Variants in MUC5B observed in about 807,000 individuals in gnomAD.
MUC5B encodes mucin-5B.
In MUC5B, 116 loss-of-function variants were observed where a neutral mutation model predicts 376.9. That is an observed-to-expected ratio of 0.31 (90% CI 0.26 to 0.36). The LOEUF (loss-of-function observed/expected upper bound fraction) is 0.36. Ranked by LOEUF, MUC5B falls within the 10% of genes least tolerant of loss-of-function variation. MUC5B has a pLI of 1.00. For missense variants in MUC5B, 7,165 were observed against 7,769.9 expected (o/e 0.92, Z 2.93); for synonymous variants, 3,517 against 3,390.9 (o/e 1.04, Z -1.29).
In MUC5B at chr11:1,241,930, A is replaced by C; in HGVS notation, c.5050A>C (p.Thr1684Pro). ...PTTPAGSTEP[T>P]VPGVATSTLP... ...GACGCCTGCAGGCTCCACAGAACCCACTGTCCCAGGGGTGGCCACATCCAC... is the reference window on the plus strand; with the variant it reads ...GACGCCTGCAGGCTCCACAGAACCCCCTGTCCCAGGGGTGGCCACATCCAC... The change falls in exon 31 of 49, where the codon ACT (threonine) becomes CCT (proline). Residue 1684 changes from threonine (T) to proline (P), a missense_variant. Thr to Pro is a conservative substitution (Grantham distance 38). Coordinates refer to ENST00000529681, the MANE Select transcript of MUC5B (RefSeq NM_002458.3). The C allele has an allele frequency of 6.2e-7, 1 of 1,608,618 alleles. No homozygotes were observed. Among genetic ancestry groups the C allele is most frequent in the Non-Finnish European group, 8.5e-7 (1 of 1,177,794 alleles).
Position 1,241,014 on chromosome 11 carries a change from C to G in MUC5B, c.4134C>G (p.Ile1378Met), listed in dbSNP as rs749634798. 1.9e-6 allele frequency: 3 copies of G among 1,612,886 alleles called. No homozygotes were observed. In the Admixed American group the frequency reaches 5.0e-5, roughly 27 times the overall value. ...GYQVCPVLADIECRAAQLPDM... is the reference protein window; with the variant it reads ...GYQVCPVLADMECRAAQLPDM... ...AGGTATGCCCTGTGCTGGCTGACAT[C>G]GAGTGCCGGGCGGCGCAGCTTCCCG... Residue 1378 changes from isoleucine (I) to methionine (M), a missense_variant, in exon 31 of 49, where the codon ATC becomes ATG. Ile to Met is a conservative substitution (Grantham distance 10). Coordinates refer to ENST00000529681, the MANE Select transcript of MUC5B (RefSeq NM_002458.3).
At position 1,246,918 on chromosome 11, in the gene MUC5B, G is replaced by A. The variant is rs533830484; in HGVS notation, c.10038G>A (p.Thr3346=). ...TTTTPTTRGS[T]VTPSSIPGTT... ...CCACACCCACAACCAGAGGCTCCAC[G>A]GTGACCCCCTCCTCCATCCCGGGGA... The change falls in exon 31 of 49, where the codon ACG becomes ACA. Residue 3346 remains threonine (T), a synonymous_variant. Transcript: ENST00000529681. The A allele has an allele frequency of 5.8e-5, 93 of 1,610,450 alleles. No homozygotes were observed. In the East Asian group the frequency reaches 1.4e-3, roughly 25 times the overall value.
chr11:1,250,784 C>T lies in MUC5B; in HGVS notation c.13904C>T (p.Ser4635Phe). The change falls in exon 31 of 49, where the codon TCC becomes TTC. Residue 4635 changes from serine to phenylalanine, a missense_variant. Coordinates refer to ENST00000529681, the MANE Select transcript of MUC5B (RefSeq NM_002458.3). ...PTTTTPTTSG[S>F]TVTPSSIPGT... ...ACCACCACACCCACAACCAGTGGCT[C>T]CACGGTGACCCCCTCCTCCATCCCG... 2 of 1,613,342 alleles carry T rather than the reference C, an allele frequency of 1.2e-6. No homozygotes were observed. Among genetic ancestry groups the T allele is most frequent in the Non-Finnish European group, 1.7e-6 (2 of 1,179,604 alleles).
At position 1,248,334 on chromosome 11, in the gene MUC5B, C is replaced by T. The variant is rs1167043824; in HGVS notation, c.11454C>T (p.Thr3818=). The T allele has an allele frequency of 3.1e-6, 5 of 1,612,308 alleles. No homozygotes were observed. The highest frequency in any genetic ancestry group is 4.2e-6 in the Non-Finnish European group (5 of 1,179,348). The change falls in exon 31 of 49, where the codon ACC becomes ACT. Residue 3818 remains threonine, a synonymous_variant. Coordinates refer to ENST00000529681, the MANE Select transcript of MUC5B (RefSeq NM_002458.3). ...CACAGACCACCACACCCACGGCCAC[C>T]ATGTCCACAGCCACACCCTCCTCCA... ...RLSQTTTPTA[T]MSTATPSSTP...
At chr11:1,228,041 C>T (rs912160524) in intron 7 of MUC5B, among the ~76,000 whole-genome samples, 3 of 152,214 alleles carry the variant, frequency 2.0e-5, no homozygotes, top group Non-Finnish European at 4.4e-5. Flanking sequence ...TGAGGGTGGG[C>T]ACTCGGGAAG....
chr11:1,246,701 T>G lies in MUC5B; in HGVS notation c.9821T>G (p.Val3274Gly). Reference sequence around the variant, plus strand: ...ACACCCTCCTCTACTCCAGAGACTGTCCACACCTCCACAGTGCTTACCACC... The same window carrying G: ...ACACCCTCCTCTACTCCAGAGACTGGCCACACCTCCACAGTGCTTACCACC... ...TATPSSTPET[V>G]HTSTVLTTTT... Residue 3274 changes from valine (V) to glycine (G), a missense_variant, in exon 31 of 49, where the codon GTC (valine) becomes GGC (glycine). Coordinates refer to ENST00000529681, the MANE Select transcript of MUC5B (RefSeq NM_002458.3). 3 of 1,603,474 alleles carry G rather than the reference T, an allele frequency of 1.9e-6. No individual in the cohort carries two copies. Among genetic ancestry groups the G allele is most frequent in the Non-Finnish European group, 2.6e-6 (3 of 1,175,124 alleles).
chr11:1,258,021 C>T lies in MUC5B; in HGVS notation c.16451-78C>T, dbSNP rs1035903466. 2 of 1,396,546 alleles carry T rather than the reference C, an allele frequency of 1.4e-6. No individual in the cohort carries two copies. The highest frequency in any genetic ancestry group is 1.4e-5 in the African/African-American group (1 of 70,002). 86.5% of individuals were successfully genotyped at this position (1,396,546 alleles called of 1,614,324 possible). On this transcript the variant is annotated intron_variant, in intron 41 of 48. Transcript: ENST00000529681. This position sits in a 1 kb window ranked among gnomAD's most constrained non-coding sequence, Gnocchi z 5.5. The stretch of plus-strand genomic sequence containing the variant: ...GGTCAGGTCCTCGGGGAAAAGCACG[C>T]CTGCGACTTACTCTGGGAACAAGTG...
In MUC5B at chr11:1,226,888, A is replaced by T; in HGVS notation, c.461+12A>T. ...ATCAATGGGCAGCGGTGAGCCGGCC[A>T]CCCTGGGGAGGGGCGAGGGCCGGGC... On this transcript the variant is annotated intron_variant, in intron 4 of 48. Transcript: ENST00000529681. 1.4e-6 allele frequency: 2 copies of T among 1,411,038 alleles called. No homozygotes were observed. The highest frequency in any genetic ancestry group is 1.9e-6 in the Non-Finnish European group (2 of 1,060,232). 87.4% of individuals were successfully genotyped at this position (1,411,038 alleles called of 1,614,324 possible). A position where few individuals can be genotyped will look rare whatever the true frequency, so the allele number is the denominator to read the frequency against.
Position 1,244,628 on chromosome 11 carries a change from C to G in MUC5B, c.7748C>G (p.Thr2583Arg), listed in dbSNP as rs202161651. Residue 2583 changes from threonine to arginine, a missense_variant, in exon 31 of 49, where the codon ACG becomes AGG. Physicochemically the swap from Thr to Arg is moderately conservative, Grantham distance 71. Around this residue, in one of 31 missense-constraint regions of MUC5B, gnomAD observed 194 missense variants for 268.5 expected, o/e 0.72. Coordinates refer to ENST00000529681, the MANE Select transcript of MUC5B (RefSeq NM_002458.3). ...TVHTSTVLTTTATTTGATGSV... is the reference protein window; with the variant it reads ...TVHTSTVLTTRATTTGATGSV... The stretch of plus-strand genomic sequence containing the variant: ...CACACCTCCACAGTGCTTACCACCA[C>G]GGCCACCACAACCGGGGCCACCGGC... 8.1e-6 allele frequency: 13 copies of G among 1,613,746 alleles called. No individual in the cohort carries two copies. The highest frequency in any genetic ancestry group is 2.2e-5 in the East Asian group (1 of 44,870).
chr11:1,234,592 G>A lies in MUC5B; in HGVS notation c.2542G>A (p.Gly848Ser), dbSNP rs750562955. Residue 848 changes from glycine to serine, a missense_variant, in exon 21 of 49, where the codon GGC becomes AGC. Around this residue, in one of 31 missense-constraint regions of MUC5B, gnomAD observed 530 missense variants for 604.0 expected, o/e 0.88. Transcript: ENST00000529681. The surrounding 1 kb of genome is among the most constrained non-coding windows in gnomAD (Gnocchi z 6.3). Reference sequence around the variant, plus strand: ...GGGGCTGGTGTCGGATGGGAGTGGGGGCTGCATTGCCGAGGAGGACTGCCC... The same window carrying A: ...GGGGCTGGTGTCGGATGGGAGTGGGAGCTGCATTGCCGAGGAGGACTGCCC... ...PPGLVSDGSG[G>S]CIAEEDCPCV... 79 of 1,574,734 alleles carry A rather than the reference G, an allele frequency of 5.0e-5. No individual in the cohort carries two copies. The highest frequency in any genetic ancestry group is 1.5e-5 in the Non-Finnish European group (17 of 1,161,118).
In MUC5B at chr11:1,239,984, T is replaced by G. The variant is rs370237424; in HGVS notation, c.3728+41T>G. 2.4e-4 allele frequency: 383 copies of G among 1,608,402 alleles called. 1 individual carries two copies. The highest frequency in any genetic ancestry group is 3.2e-4 in the Non-Finnish European group (371 of 1,177,342). ...GCGGGTGGCGCTGGGGGAGCAGGGCTGGGGAGCAGGCCCTGCAGGCTGCCC... is the reference window on the plus strand; with the variant it reads ...GCGGGTGGCGCTGGGGGAGCAGGGCGGGGGAGCAGGCCCTGCAGGCTGCCC... On this transcript the variant is annotated intron_variant, in intron 28 of 48. Transcript: ENST00000529681.
rs1862284173 is a variant in MUC5B at position 1,241,557 on chromosome 11, G to C, written c.4677G>C (p.Leu1559=). The change falls in exon 31 of 49, where the codon CTG becomes CTC. Residue 1559 remains leucine (L), a synonymous_variant. Coordinates refer to ENST00000529681, the MANE Select transcript of MUC5B (RefSeq NM_002458.3). ...CCGAGAGCTTCCCCAACTGGACCCT[G>C]GCACAGGTGGGGCAGAAGGTGCACT... ...CQAESFPNWT[L]AQVGQKVHCD... is the part of the protein sequence containing the mutation. 1.2e-6 allele frequency: 2 copies of C among 1,612,548 alleles called. No homozygotes were observed. Among genetic ancestry groups the C allele is most frequent in the Non-Finnish European group, 1.7e-6 (2 of 1,179,386 alleles).
chr11:1,253,945 C>A lies in MUC5B; in HGVS notation c.15218-147C>A. ...GGGACCCCATTCTACACACTGGACC[C>A]ATTTTTATAGACGAGGCAGCTGAGG... On this transcript the variant is annotated intron_variant, in intron 33 of 48. Coordinates refer to ENST00000529681, the MANE Select transcript of MUC5B (RefSeq NM_002458.3). This position sits in a 1 kb window ranked among gnomAD's most constrained non-coding sequence, Gnocchi z 4.3. 8.9e-7 allele frequency: 1 copy of A among 1,123,836 alleles called. No homozygotes were observed. The highest frequency in any genetic ancestry group is 1.2e-6 in the Non-Finnish European group (1 of 803,114). The allele number at this position is 1,123,836 out of a possible 1,614,324, so 69.6% of individuals were successfully genotyped here.
chr11:1,228,918 C>A (rs1170569305), intron 8 of MUC5B, among the ~76,000 whole-genome samples, 153 bp downstream of exon 8: 2 of 151,248 alleles, frequency 1.3e-5, no homozygotes, highest in African/African-American at 4.9e-5. Context: ...CACCCCAGGA[C>A]CCCAGGAGGG....
At chr11:1,237,694 A>G (rs1043904049) in intron 25 of MUC5B, among the ~76,000 whole-genome samples, 1 of 152,046 alleles carries the variant, frequency 6.6e-6, no homozygotes, top group Non-Finnish European at 1.5e-5. Context: ...ACATGGCGAA[A>G]CCCCGTCTCT....
chr11:1,256,508 C>A, intron 38 of MUC5B, 163 bp from the exon 39 acceptor site: 1 of 446,122 alleles, frequency 2.2e-6, no homozygotes, highest in South Asian at 2.8e-5. Flanking sequence ...ACCCCCACCC[C>A]AGCCCCACCC....
chr11:1,226,162 C>T, intron 2 of MUC5B, 43 bp from the exon 3 acceptor site: 3 of 1,523,050 alleles, frequency 2.0e-6, no homozygotes, highest in Non-Finnish European at 2.7e-6. Context: ...CTCTGCTTCC[C>T]CTTCCTGGCC....
chr11:1,234,497 A>G lies in MUC5B; in HGVS notation c.2479-32A>G. ...GTGACATCTGCCCACCCTGGTGTCC[A>G]GCCCTGACCGGTACCTGCCTGGGCC... On this transcript the variant is annotated intron_variant, in intron 20 of 48. Coordinates refer to ENST00000529681, the MANE Select transcript of MUC5B (RefSeq NM_002458.3). The surrounding 1 kb of genome is among the most constrained non-coding windows in gnomAD (Gnocchi z 6.3). 1 of 1,562,860 alleles carries G rather than the reference A, an allele frequency of 6.4e-7. No homozygotes were observed. Among genetic ancestry groups the G allele is most frequent in the Non-Finnish European group, 8.7e-7 (1 of 1,154,520 alleles).
intron 44 of MUC5B, 41 bp downstream of exon 44, chr11:1,259,102 C>A (rs764949419): frequency 6.6e-7 from 1 of 1,512,724 alleles, no homozygotes; most frequent in South Asian, 1.2e-5. Flanking sequence ...GCCCCCGAGG[C>A]ACCTGCCCCC....
Sources: gnomAD v4.1 joint callset for allele counts (sites outside exome capture counted in the v4.1 genomes callset) on GRCh38, gnomAD v4.1.1 for gene constraint, gnomAD v4.1.1 regional missense constraint, Gnocchi (gnomAD v3.1) non-coding constraint, MANE v1.5 for transcripts, NCBI Gene and HGNC (gene_info 2026-07-23, HGNC 2026-07-21) for gene names.